ACSL3: variants seen among roughly 807,000 people sequenced by gnomAD.
ACSL3 encodes fatty acid CoA ligase Acsl3.
ACSL3 carries 34 observed loss-of-function variants against 84.7 expected under a neutral mutation model. That is an observed-to-expected ratio of 0.40 (90% CI 0.31 to 0.53). The LOEUF (loss-of-function observed/expected upper bound fraction) is 0.53, where lower values mean the gene tolerates loss of function less well. ACSL3 is among the 20% of genes least tolerant of loss of function. ACSL3 has a pLI of 0.48. For synonymous variants in ACSL3, 315 were observed against 299.4 expected (o/e 1.05, Z -0.54); for missense variants, 680 against 873.1 (o/e 0.78, Z 2.79).
chr2:222,935,869 TTATAAC>T (rs1697156821), intron 16 of ACSL3, among the ~76,000 whole-genome samples: 1 of 152,170 alleles, frequency 6.6e-6, no homozygotes, highest in South Asian at 2.1e-4. Context: ...CAACTGATCT[TTATAAC>T]TATTTCATCT....
At chr2:222,929,991 T>C (rs989125674) in intron 13 of ACSL3, among the ~76,000 whole-genome samples, 3 of 145,088 alleles carry the variant, frequency 2.1e-5, no homozygotes, top group Non-Finnish European at 4.5e-5. Context: ...GCAGTGTCAA[T>C]GGTTTCGGCT....
intron 1 of ACSL3, among the ~76,000 whole-genome samples, chr2:222,885,028 A>G (rs2106097422): frequency 6.6e-6 from 1 of 152,326 alleles, no homozygotes; most frequent in African/African-American, 2.4e-5. Context: ...ACCACTGACT[A>G]GGAATTTTCT....
intron 1 of ACSL3, among the ~76,000 whole-genome samples, chr2:222,875,079 T>C (rs934468183): frequency 4.6e-5 from 7 of 152,240 alleles, no homozygotes; most frequent in Non-Finnish European, 7.3e-5. Context: ...TTTTTTGCGT[T>C]GTGTATAACC....
intron 2 of ACSL3, among the ~76,000 whole-genome samples, chr2:222,890,701 G>A (rs1458772919): frequency 3.9e-5 from 6 of 152,158 alleles, no homozygotes; most frequent in African/African-American, 1.4e-4. Flanking sequence ...AGGTGCAGTG[G>A]CGCAATCTTG....
chr2:222,929,652 C>T (rs1444353685), intron 13 of ACSL3, among the ~76,000 whole-genome samples: 13 of 151,928 alleles, frequency 8.6e-5, no homozygotes, highest in Admixed American at 8.5e-4. Flanking sequence ...GTGGTGCGTG[C>T]CTGTAATTCC....
intron 1 of ACSL3, among the ~76,000 whole-genome samples, chr2:222,863,037 G>A (rs1695052269): frequency 6.6e-6 from 1 of 152,176 alleles, no homozygotes; most frequent in East Asian, 1.9e-4. Context: ...CCAGTTAAGT[G>A]ACTGTTTCAT....
intron 5 of ACSL3, among the ~76,000 whole-genome samples, chr2:222,916,992 G>T (rs1486295778): frequency 5.9e-5 from 9 of 152,264 alleles, no homozygotes; most frequent in African/African-American, 2.2e-4. Context: ...AGGTCTCGGT[G>T]CCAAAATGTG....
chr2:222,919,999 C>G (rs1433421751), intron 7 of ACSL3, among the ~76,000 whole-genome samples: 1 of 151,972 alleles, frequency 6.6e-6, no homozygotes, highest in Admixed American at 6.6e-5. Context: ...GCTTCAGAGG[C>G]TACTAAGGAC....
At position 222,897,604 on chromosome 2, in the gene ACSL3, C is replaced by T. The variant is rs1288574851; in HGVS notation, c.-147-3070C>T. Among the ~76,000 whole-genome samples the T allele has an allele frequency of 8.8e-5, 3 of 34,022 alleles. 1 individual carries two copies. Among genetic ancestry groups the T allele is most frequent in the Non-Finnish European group, 1.4e-4 (3 of 22,204 alleles). 22.3% of individuals were successfully genotyped at this position (34,022 alleles called of 152,430 possible). A position where few individuals can be genotyped will look rare whatever the true frequency, so the allele number is the denominator to read the frequency against. On this transcript the variant is annotated intron_variant, in intron 2 of 16. Transcript: ENST00000357430. ...GGAGGTGGTTGTAGCGAGCCGAGAT[C>T]ACGCCACTGCACTCCAGCCTTGGCA...
At chr2:222,926,093 T>C (rs565558698) in intron 11 of ACSL3, among the ~76,000 whole-genome samples, 1 of 152,166 alleles carries the variant, frequency 6.6e-6, no homozygotes, top group African/African-American at 2.4e-5. Flanking sequence ...CAACCGTGGA[T>C]CAAAAGTATT....
chr2:222,928,976 G>T (rs1449717331), intron 13 of ACSL3, 40 bp downstream of exon 13: 1 of 1,537,904 alleles, frequency 6.5e-7, no homozygotes, highest in East Asian at 2.3e-5. Context: ...AATTTTTAAA[G>T]TATTAAACTT....
intron 16 of ACSL3, among the ~76,000 whole-genome samples, chr2:222,937,544 T>C (rs1697206374): frequency 6.6e-6 from 1 of 152,198 alleles, no homozygotes; most frequent in Admixed American, 6.5e-5. Context: ...TCTTTTATCA[T>C]TATATTGTAA....
At chr2:222,920,186 G>T (rs543321262) in intron 7 of ACSL3, among the ~76,000 whole-genome samples, 13 of 152,298 alleles carry the variant, frequency 8.5e-5, no homozygotes, top group African/African-American at 2.9e-4. Flanking sequence ...CATTGAAGGA[G>T]TGAAGGGCTG....
chr2:222,941,738 C>A lies in ACSL3; in HGVS notation c.*84C>A. On this transcript the variant is annotated 3_prime_UTR_variant, in exon 17 of 17. Coordinates refer to ENST00000357430, the MANE Select transcript of ACSL3 (RefSeq NM_004457.5). ...GAAATGCATGTCTCAAGCTGCAAGGCAAACTCCATTCCTCATATTAAACTA... is the reference window on the plus strand; with the variant it reads ...GAAATGCATGTCTCAAGCTGCAAGGAAAACTCCATTCCTCATATTAAACTA... The A allele has an allele frequency of 2.8e-6, 4 of 1,413,720 alleles. No homozygotes were observed. The highest frequency in any genetic ancestry group is 3.8e-6 in the Non-Finnish European group (4 of 1,046,396). 87.6% of individuals were successfully genotyped at this position (1,413,720 alleles called of 1,614,324 possible).
intron 1 of ACSL3, among the ~76,000 whole-genome samples, chr2:222,864,789 A>G (rs1468962754): frequency 1.3e-5 from 2 of 152,138 alleles, no homozygotes; most frequent in South Asian, 2.1e-4. Flanking sequence ...TGGGGTTGGG[A>G]TGGGACCCAA....
chr2:222,871,817 A>C (rs1011791640), intron 1 of ACSL3, among the ~76,000 whole-genome samples: 1 of 152,134 alleles, frequency 6.6e-6, no homozygotes, highest in African/African-American at 2.4e-5. Context: ...GCCTATTCTC[A>C]TTCTGTTAAT....
intron 15 of ACSL3, 22 bp downstream of exon 15, chr2:222,933,302 T>C: frequency 1.3e-6 from 2 of 1,513,962 alleles, no homozygotes; most frequent in Non-Finnish European, 1.8e-6. Context: ...GAATTCATAC[T>C]ACTTTTACTT....
At position 222,919,001 on chromosome 2, in the gene ACSL3, GTATTCT is replaced by G. The variant is rs879082398; in HGVS notation, c.667-57_667-52del. 6.3e-5 allele frequency: 99 copies of G among 1,576,448 alleles called. 1 individual carries two copies. The South Asian group carries it at 7.6e-4, about 12-fold the overall frequency. On this transcript the variant is annotated intron_variant, in intron 6 of 16. Transcript: ENST00000357430. ...ATGATTCACCGAATATGGTAAACTA[GTATTCT>G]TATTCGCTAAGCTGCTTGAAAAATA...
Position 222,942,140 on chromosome 2 carries a change from T to C in ACSL3, c.*486T>C. 1 of 202,866 alleles carries C rather than the reference T, an allele frequency of 4.9e-6. No homozygotes were observed. 12.6% of individuals were successfully genotyped at this position (202,866 alleles called of 1,614,324 possible). A position where few individuals can be genotyped will look rare whatever the true frequency, so the allele number is the denominator to read the frequency against. On this transcript the variant is annotated 3_prime_UTR_variant, in exon 17 of 17. Transcript: ENST00000357430. ...AAATGCTTATGAATCAAATCATTGT[T>C]GAACAAAAGATTTGTTGCTGTGTAA...
Sources: allele counts gnomAD v4.1 joint callset (sites outside exome capture counted in the v4.1 genomes callset), GRCh38; gene constraint gnomAD v4.1.1; transcripts MANE v1.5; gene names NCBI Gene and HGNC (gene_info 2026-07-23, HGNC 2026-07-21).